The following C10orf67 variants were observed in gnomAD, a reference collection of about 807,000 sequenced individuals.
C10orf67 encodes uncharacterized protein C10orf67, mitochondrial.
A neutral mutation model predicts 35.6 loss-of-function variants in C10orf67; 60 were observed. The ratio of observed to expected loss-of-function variants is 1.68; its 90% CI spans 1.37 to 2.09. The LOEUF (loss-of-function observed/expected upper bound fraction) is 2.09, where lower values mean the gene tolerates loss of function less well. Ranked by LOEUF, C10orf67 falls within the 30% of genes most tolerant of loss-of-function variation. The pLI, the probability that C10orf67 is intolerant of heterozygous loss-of-function variation, is 0.00. For synonymous variants in C10orf67, 167 were observed against 115.8 expected, an observed-to-expected ratio of 1.44 and a Z score of -2.84; for missense variants, 474 against 330.2, an observed-to-expected ratio of 1.44 and a Z score of -3.38.
chr10:23,292,725 A>ATATG (rs373635246), intron 5 of C10orf67, among the ~76,000 whole-genome samples: 17 of 151,238 alleles, frequency 1.1e-4, no homozygotes, highest in Non-Finnish European at 1.6e-4. Context: ...TGGTATATAT[A>ATATG]TGTGTGTGTG....
At chr10:23,288,435 C>T (rs1843610652) in intron 7 of C10orf67, among the ~76,000 whole-genome samples, 1 of 152,124 alleles carries the variant, frequency 6.6e-6, no homozygotes, top group Non-Finnish European at 1.5e-5. Flanking sequence ...TACATGGACA[C>T]AGATTGGGGA....
intron 10 of C10orf67, among the ~76,000 whole-genome samples, chr10:23,255,309 T>C (rs1028834825): frequency 2.0e-5 from 3 of 152,346 alleles, no homozygotes; most frequent in East Asian, 3.9e-4. Flanking sequence ...ATTGTTAAGG[T>C]AGGCAAATCT....
chr10:23,338,759 A>G (rs1845777754), intron 1 of C10orf67, among the ~76,000 whole-genome samples: 2 of 152,216 alleles, frequency 1.3e-5, no homozygotes, highest in South Asian at 4.1e-4. Context: ...CTGCAATCCC[A>G]GCACTTTGGG....
chr10:23,258,099 G>T (rs1417283402), intron 10 of C10orf67: 1 of 152,246 alleles, frequency 6.6e-6, no homozygotes, highest in Non-Finnish European at 1.5e-5. Context: ...TGCCAGCCAC[G>T]TTAGGTGGTT....
chr10:23,295,227 C>T (rs1203494749), intron 5 of C10orf67, among the ~76,000 whole-genome samples: 2 of 152,188 alleles, frequency 1.3e-5, no homozygotes, highest in Non-Finnish European at 2.9e-5. Flanking sequence ...ATTCTGGATG[C>T]CACTGAAAGC....
chr10:23,275,855 A>C (rs1390613411), intron 8 of C10orf67, among the ~76,000 whole-genome samples: 3 of 152,152 alleles, frequency 2.0e-5, no homozygotes, highest in Admixed American at 1.3e-4. Flanking sequence ...AGTCACTTTG[A>C]ATGCTAGCTC....
chr10:23,323,609 A>G (rs2132347536), intron 2 of C10orf67, among the ~76,000 whole-genome samples: 1 of 152,066 alleles, frequency 6.6e-6, no homozygotes, highest in South Asian at 2.1e-4. Context: ...ACAGCCTCAG[A>G]GTAGCATTTA....
chr10:23,274,016 C>T (rs953141826), intron 8 of C10orf67, among the ~76,000 whole-genome samples: 24 of 152,140 alleles, frequency 1.6e-4, no homozygotes, highest in East Asian at 3.9e-4. Context: ...GCTGGGCCTC[C>T]GGAGGTATCA....
intron 10 of C10orf67, among the ~76,000 whole-genome samples, chr10:23,265,159 CT>C (rs1211572251): frequency 6.6e-6 from 1 of 152,198 alleles, no homozygotes; most frequent in Non-Finnish European, 1.5e-5. Context: ...GAGGAGAATG[CT>C]TTTTCTCTTC....
intron 15 of C10orf67, among the ~76,000 whole-genome samples, chr10:23,214,928 C>A (rs1324294979): frequency 6.6e-6 from 1 of 152,132 alleles, no homozygotes; most frequent in Non-Finnish European, 1.5e-5. Flanking sequence ...GAGGCTGAAG[C>A]AGGAGAGTCA....
intron 4 of C10orf67, among the ~76,000 whole-genome samples, chr10:23,310,417 G>C (rs1828037464): frequency 6.6e-6 from 1 of 152,178 alleles, no homozygotes; most frequent in Non-Finnish European, 1.5e-5. Context: ...CCAACTATCT[G>C]GTGCAGAGGA....
At chr10:23,274,403 C>T (rs1843120189) in intron 8 of C10orf67, among the ~76,000 whole-genome samples, 1 of 152,142 alleles carries the variant, frequency 6.6e-6, no homozygotes, top group South Asian at 2.1e-4. Context: ...CAGCATAAGA[C>T]AGACACTCCC....
At chr10:23,222,944 C>G (rs1841625541) in intron 15 of C10orf67, among the ~76,000 whole-genome samples, 1 of 152,096 alleles carries the variant, frequency 6.6e-6, no homozygotes, top group Non-Finnish European at 1.5e-5. Context: ...CCACCAGGCC[C>G]AGTCTACTTT....
chr10:23,221,223 C>A (rs2083093422), intron 15 of C10orf67, among the ~76,000 whole-genome samples: 1 of 152,034 alleles, frequency 6.6e-6, no homozygotes. Flanking sequence ...AATGGAGGAG[C>A]AGGAGAGAGC....
intron 10 of C10orf67, 111 bp downstream of exon 10, chr10:23,266,151 G>C (rs1842878244): frequency 2.5e-6 from 1 of 397,116 alleles, no homozygotes; most frequent in East Asian, 3.6e-5. Context: ...CCCACTCAGG[G>C]GGTGAGAACC....
At chr10:23,319,562 A>G (rs1176456207) in intron 4 of C10orf67, among the ~76,000 whole-genome samples, 1 of 152,208 alleles carries the variant, frequency 6.6e-6, no homozygotes, top group African/African-American at 2.4e-5. Context: ...TTCTGTTTTA[A>G]TTTCTTTGAG....
intron 2 of C10orf67, among the ~76,000 whole-genome samples, chr10:23,328,069 AT>A (rs777167201): frequency 6.6e-6 from 1 of 152,196 alleles, no homozygotes. Context: ...GAGTATTTAA[AT>A]TTAAATACTA....
chr10:23,254,662 A>T (rs951004203), intron 10 of C10orf67, among the ~76,000 whole-genome samples: 1 of 152,198 alleles, frequency 6.6e-6, no homozygotes, highest in Non-Finnish European at 1.5e-5. Context: ...AAGCACTTAT[A>T]TCATATTTTT....
intron 7 of C10orf67, among the ~76,000 whole-genome samples, chr10:23,289,092 C>G (rs1329946432): frequency 6.6e-6 from 1 of 152,038 alleles, no homozygotes; most frequent in African/African-American, 2.4e-5. Context: ...GCAGGGAGAG[C>G]AGGAATTGCT....
Sources: allele counts gnomAD v4.1 joint callset (sites outside exome capture counted in the v4.1 genomes callset), GRCh38; gene constraint gnomAD v4.1.1; transcripts MANE v1.5; gene names NCBI Gene and HGNC (gene_info 2026-07-23, HGNC 2026-07-21).